Variants in CTNNBL1 observed in about 807,000 individuals in gnomAD.
The protein encoded by CTNNBL1 is catenin beta like 1, also known as beta-catenin-like protein 1.
In CTNNBL1, 31 loss-of-function variants were observed where a neutral mutation model predicts 72.7. The ratio of observed to expected loss-of-function variants is 0.43; its 90% CI spans 0.32 to 0.58. The LOEUF is 0.58. CTNNBL1 is among the 20% of genes least tolerant of loss of function. The pLI, the probability that CTNNBL1 is intolerant of heterozygous loss-of-function variation, is 0.08. For synonymous variants in CTNNBL1, 240 were observed against 267.3 expected (o/e 0.90, Z 1.00); for missense variants, 534 against 725.1 (o/e 0.74, Z 3.03).
intron 10 of CTNNBL1, among the ~76,000 whole-genome samples, chr20:37,802,168 C>A (rs1283291732): frequency 6.6e-6 from 1 of 152,074 alleles, no homozygotes; most frequent in African/African-American, 2.4e-5. Flanking sequence ...TGTTATTCAG[C>A]AATAAAAAGG....
intron 15 of CTNNBL1, among the ~76,000 whole-genome samples, chr20:37,861,290 C>T (rs1282572124): frequency 1.3e-5 from 2 of 152,226 alleles, no homozygotes; most frequent in Non-Finnish European, 2.9e-5. Flanking sequence ...GGACCTGACT[C>T]AGCTGGAGAG....
chr20:37,706,303 G>C (rs1051228656), intron 1 of CTNNBL1, among the ~76,000 whole-genome samples: 3 of 152,218 alleles, frequency 2.0e-5, no homozygotes, highest in Admixed American at 2.0e-4. Context: ...TCTGTAGCAA[G>C]CTGTGCTGTT....
intron 4 of CTNNBL1, 29 bp from the exon 5 acceptor site, chr20:37,757,530 A>G (rs2122646796): frequency 6.7e-7 from 1 of 1,498,712 alleles, no homozygotes; most frequent in African/African-American, 1.4e-5. Flanking sequence ...CCGTTTCAGT[A>G]TGTGTGTTAT....
chr20:37,809,562 G>A (rs1452849840), intron 11 of CTNNBL1, among the ~76,000 whole-genome samples: 1 of 152,134 alleles, frequency 6.6e-6, no homozygotes, highest in African/African-American at 2.4e-5. Context: ...CCCTTCCTCA[G>A]CTCCTGATCA....
chr20:37,845,891 G>T (rs1209520155), intron 13 of CTNNBL1, among the ~76,000 whole-genome samples: 3 of 152,130 alleles, frequency 2.0e-5, no homozygotes, highest in African/African-American at 7.2e-5. Context: ...AAGATAACAG[G>T]CTCAAGTATT....
chr20:37,828,701 C>T (rs1339432670), intron 11 of CTNNBL1, among the ~76,000 whole-genome samples: 1 of 152,118 alleles, frequency 6.6e-6, no homozygotes, highest in Non-Finnish European at 1.5e-5. Context: ...ATGCACTATT[C>T]AGTGTTTGTG....
At chr20:37,822,232 G>T (rs182770713) in intron 11 of CTNNBL1, among the ~76,000 whole-genome samples, 22 of 152,298 alleles carry the variant, frequency 1.4e-4, no homozygotes, top group Non-Finnish European at 2.8e-4. Context: ...TGTGGCCGTG[G>T]TGTGGGTGTC....
At chr20:37,717,188 G>T (rs990371044) in intron 1 of CTNNBL1, among the ~76,000 whole-genome samples, 2 of 152,068 alleles carry the variant, frequency 1.3e-5, no homozygotes, top group Non-Finnish European at 2.9e-5. Context: ...GCAGTTTTAC[G>T]TTTTTAGTCT....
chr20:37,793,585 T>A (rs1030069571), intron 10 of CTNNBL1, among the ~76,000 whole-genome samples: 3 of 152,152 alleles, frequency 2.0e-5, no homozygotes, highest in Non-Finnish European at 2.9e-5. Flanking sequence ...AATGAGGCCG[T>A]AAGAGTGGGA....
intron 3 of CTNNBL1, among the ~76,000 whole-genome samples, chr20:37,739,576 T>C (rs913208174): frequency 6.6e-6 from 1 of 152,232 alleles, no homozygotes. Flanking sequence ...TATGTACATT[T>C]TAATGATAGC....
intron 13 of CTNNBL1, among the ~76,000 whole-genome samples, chr20:37,852,836 G>A (rs759036702): frequency 3.9e-5 from 6 of 152,134 alleles, no homozygotes; most frequent in African/African-American, 7.2e-5. Context: ...CCCTGATCTC[G>A]TGCAGGCTTC....
At chr20:37,802,552 A>G (rs1047997578) in intron 10 of CTNNBL1, among the ~76,000 whole-genome samples, 1 of 152,232 alleles carries the variant, frequency 6.6e-6, no homozygotes, top group Non-Finnish European at 1.5e-5. Flanking sequence ...GAATAATGAA[A>G]TGTCTATAAT....
chr20:37,804,866 G>C (rs183879810), intron 11 of CTNNBL1, among the ~76,000 whole-genome samples: 1 of 152,218 alleles, frequency 6.6e-6, no homozygotes, highest in South Asian at 2.1e-4. Flanking sequence ...TAGAGTAACC[G>C]CATTAGGCAT....
intron 5 of CTNNBL1, among the ~76,000 whole-genome samples, chr20:37,764,194 G>A (rs965934949): frequency 7.9e-5 from 12 of 152,162 alleles, no homozygotes; most frequent in African/African-American, 2.9e-4. Context: ...TGAGGAAACC[G>A]AAACACTGAG....
chr20:37,783,397 A>G (rs529034830), intron 10 of CTNNBL1, among the ~76,000 whole-genome samples: 1 of 152,004 alleles, frequency 6.6e-6, no homozygotes, highest in Non-Finnish European at 1.5e-5. Flanking sequence ...CTCTTCGTCT[A>G]CTAATTATGG....
chr20:37,847,060 G>A (rs1485572130), intron 13 of CTNNBL1, among the ~76,000 whole-genome samples: 1 of 152,066 alleles, frequency 6.6e-6, no homozygotes, highest in African/African-American at 2.4e-5. Flanking sequence ...AAGATACGGC[G>A]AGTCACCCTG....
At position 37,779,214 on chromosome 20, in the gene CTNNBL1, G is replaced by T. The variant is rs1433673760; in HGVS notation, c.910G>T (p.Ala304Ser). Residue 304 changes from alanine to serine, a missense_variant, in exon 10 of 16, where the codon GCT becomes TCT. By Grantham distance (99) the Ala-to-Ser change is moderately conservative (BLOSUM62 1). Coordinates refer to ENST00000361383, the MANE Select transcript of CTNNBL1 (RefSeq NM_030877.5). ...GTTTAAAAGACACAATCCCAGCACG[G>T]CTGAGGAGCAGGAGATGATGGAGAA... Reference protein sequence around the residue: ...SVFKRHNPSTAEEQEMMENLF... With the variant: ...SVFKRHNPSTSEEQEMMENLF... 1.2e-6 allele frequency: 2 copies of T among 1,613,606 alleles called. No individual in the cohort carries two copies. Among genetic ancestry groups the T allele is most frequent in the South Asian group, 2.2e-5 (2 of 91,066 alleles).
At chr20:37,843,145 T>C (rs1046838618) in intron 13 of CTNNBL1, among the ~76,000 whole-genome samples, 9 of 152,236 alleles carry the variant, frequency 5.9e-5, no homozygotes, top group Non-Finnish European at 1.0e-4. Context: ...CACTGTTTAA[T>C]GTCCAATTTG....
intron 13 of CTNNBL1, among the ~76,000 whole-genome samples, chr20:37,852,762 G>C (rs1438670249): frequency 6.6e-6 from 1 of 152,112 alleles, no homozygotes; most frequent in African/African-American, 2.4e-5. Flanking sequence ...ACGGTTTTTT[G>C]TATCATACTC....
Sources: allele counts gnomAD v4.1 joint callset (sites outside exome capture counted in the v4.1 genomes callset), GRCh38; gene constraint gnomAD v4.1.1; transcripts MANE v1.5; gene names NCBI Gene and HGNC (gene_info 2026-07-23, HGNC 2026-07-21).